MEGF11: variants seen among roughly 807,000 people sequenced by gnomAD.
MEGF11 encodes multiple EGF like domains 11, also known as multiple epidermal growth factor-like domains protein 11.
Under a neutral mutation model 146.6 loss-of-function variants are expected in MEGF11, and 126 were observed. That is an observed-to-expected ratio of 0.86 (90% CI 0.74 to 1.00). MEGF11 has a LOEUF of 1.00. Ranked by LOEUF, MEGF11 falls within the 50% of genes least tolerant of loss-of-function variation. MEGF11 has a pLI of 0.00. For missense variants in MEGF11, 1,509 were observed against 1,521.2 expected, an observed-to-expected ratio of 0.99 and a Z score of 0.13; for synonymous variants, 532 against 583.4, an observed-to-expected ratio of 0.91 and a Z score of 1.27.
At chr15:66,058,893 C>A (rs1160472961) in intron 5 of MEGF11, among the ~76,000 whole-genome samples, 1 of 152,124 alleles carries the variant, frequency 6.6e-6, no homozygotes, top group East Asian at 1.9e-4. Context: ...AGAACCATTT[C>A]CCCAAGCCCT....
intron 1 of MEGF11, among the ~76,000 whole-genome samples, chr15:66,136,522 G>A (rs921213647): frequency 6.6e-6 from 1 of 152,144 alleles, no homozygotes; most frequent in Non-Finnish European, 1.5e-5. Flanking sequence ...GAACCTTCCC[G>A]ACCGACCTAG....
At chr15:66,171,173 G>A (rs1227644866) in intron 1 of MEGF11, among the ~76,000 whole-genome samples, 17 of 152,340 alleles carry the variant, frequency 1.1e-4, no homozygotes, top group East Asian at 3.9e-4. Context: ...TTGGAGTCAC[G>A]GTGACCACAG....
chr15:66,156,123 T>C (rs1211335301), intron 1 of MEGF11, among the ~76,000 whole-genome samples: 3 of 151,552 alleles, frequency 2.0e-5, no homozygotes, highest in Non-Finnish European at 4.4e-5. Context: ...TGGCCTGGAG[T>C]CCCAAAGTCT....
intron 1 of MEGF11, among the ~76,000 whole-genome samples, chr15:66,212,087 C>T (rs906215697): frequency 7.8e-4 from 7 of 9,004 alleles, no homozygotes; most frequent in Admixed American, 2.3e-3. Flanking sequence ...CCTCTCCTCC[C>T]GCCCGCCAGT....
At chr15:65,916,354 T>C in intron 17 of MEGF11, 78 bp from the exon 18 acceptor site, 1 of 1,475,528 alleles carries the variant, frequency 6.8e-7, no homozygotes, top group Non-Finnish European at 9.0e-7. Flanking sequence ...AGACCTGTCT[T>C]CTGTCTCTTT....
chr15:66,195,114 C>T (rs2090977911), intron 1 of MEGF11, among the ~76,000 whole-genome samples: 2 of 152,166 alleles, frequency 1.3e-5, no homozygotes. Context: ...TCTGAGGCCT[C>T]TCTCCTTGGC....
Position 65,898,919 on chromosome 15 carries a change from G to T in MEGF11, c.3071C>A (p.Ser1024Tyr), listed in dbSNP as rs373875065. The change falls in exon 25 of 26, where the codon TCC (serine) becomes TAC (tyrosine). Residue 1024 changes from serine (S) to tyrosine (Y), a missense_variant. Physicochemically the swap from Ser to Tyr is moderately radical, Grantham distance 144 (BLOSUM62 -2). Transcript: ENST00000395614. ...DKGFKDYMKESVCSSSTCSLN... is the reference protein window; with the variant it reads ...DKGFKDYMKEYVCSSSTCSLN... ...GGAACAAGTACTAGAACTGCACACG[G>T]ATTCTTTCATGTAATCTGCAAGGCA... 1.9e-5 allele frequency: 31 copies of T among 1,613,742 alleles called. No homozygotes were observed. The highest frequency in any genetic ancestry group is 2.6e-5 in the Non-Finnish European group (31 of 1,179,816).
At chr15:66,155,272 T>A (rs925483537) in intron 1 of MEGF11, among the ~76,000 whole-genome samples, 1 of 152,026 alleles carries the variant, frequency 6.6e-6, no homozygotes, top group African/African-American at 2.4e-5. Context: ...CCCCCCGCTA[T>A]GGGGTAAGGG....
intron 1 of MEGF11, among the ~76,000 whole-genome samples, chr15:66,218,604 T>C (rs1373036630): frequency 3.9e-5 from 6 of 152,096 alleles, no homozygotes. Context: ...GGAACTTTCG[T>C]TTTTGATTGT....
chr15:66,067,091 A>G (rs1166775320), intron 5 of MEGF11, among the ~76,000 whole-genome samples: 3 of 152,220 alleles, frequency 2.0e-5, no homozygotes, highest in Admixed American at 1.3e-4. Context: ...TGAGGATTCA[A>G]TGAGTTAATA....
chr15:66,097,260 T>A (rs2086593510), intron 4 of MEGF11, among the ~76,000 whole-genome samples: 3 of 152,038 alleles, frequency 2.0e-5, no homozygotes, highest in Non-Finnish European at 4.4e-5. Flanking sequence ...GGACACCTGG[T>A]GGGGAGGGGC....
At chr15:66,228,497 G>A (rs922489682) in intron 1 of MEGF11, among the ~76,000 whole-genome samples, 4 of 152,238 alleles carry the variant, frequency 2.6e-5, no homozygotes, top group South Asian at 2.1e-4. Flanking sequence ...AGACACAGAG[G>A]AGCCACACAC....
intron 10 of MEGF11, among the ~76,000 whole-genome samples, chr15:65,931,425 G>A (rs967724688): frequency 5.3e-5 from 8 of 152,188 alleles, no homozygotes; most frequent in Admixed American, 5.2e-4. Flanking sequence ...CTCTCCTAAA[G>A]CTTCCAGGAA....
Position 65,929,770 on chromosome 15 carries a change from A to AGGAGCC in MEGF11, c.1516_1521dup (p.Gly506_Ser507dup). The AGGAGCC allele has an allele frequency of 3.2e-6, 5 of 1,555,378 alleles. No homozygotes were observed. The highest frequency in any genetic ancestry group is 4.4e-6 in the Non-Finnish European group (5 of 1,149,194). On this transcript the variant is annotated inframe_insertion, in exon 12 of 26. Coordinates refer to ENST00000395614, the MANE Select transcript of MEGF11 (RefSeq NM_001385028.1). ...CCCAGCCAGCCAGGAGTGCAGGAGC[A>AGGAGCC]GGAGCCGTCTATGGGGCTGCAGGCT...
intron 12 of MEGF11, among the ~76,000 whole-genome samples, chr15:65,928,972 T>C (rs185188179): frequency 8.1e-4 from 124 of 152,360 alleles, no homozygotes; most frequent in African/African-American, 2.8e-3. Context: ...CCAATTCTTA[T>C]ATGCTCATTA....
At chr15:65,903,168 A>G (rs978603751) in intron 24 of MEGF11, among the ~76,000 whole-genome samples, 1 of 152,146 alleles carries the variant, frequency 6.6e-6, no homozygotes, top group African/African-American at 2.4e-5. Flanking sequence ...GCTCCTAACT[A>G]CCTAAGAGCC....
chr15:65,935,035 C>A (rs2079719154), intron 10 of MEGF11, among the ~76,000 whole-genome samples: 1 of 152,062 alleles, frequency 6.6e-6, no homozygotes, highest in Admixed American at 6.6e-5. Context: ...AGAAGCACAG[C>A]CAAGGCTGGG....
At chr15:66,170,395 G>A (rs991733273) in intron 1 of MEGF11, among the ~76,000 whole-genome samples, 16 of 152,136 alleles carry the variant, frequency 1.1e-4, no homozygotes, top group Non-Finnish European at 1.9e-4. Flanking sequence ...CTCTATTTGG[G>A]GCCATTTCTT....
At chr15:66,098,644 C>T (rs899577408) in intron 4 of MEGF11, among the ~76,000 whole-genome samples, 2 of 152,178 alleles carry the variant, frequency 1.3e-5, no homozygotes, top group African/African-American at 4.8e-5. Flanking sequence ...CCCAGTGCTC[C>T]AAGGCACATT....
Sources: allele counts gnomAD v4.1 joint callset (sites outside exome capture counted in the v4.1 genomes callset), GRCh38; gene constraint gnomAD v4.1.1; transcripts MANE v1.5; gene names NCBI Gene and HGNC (gene_info 2026-07-23, HGNC 2026-07-21).